The following PKHD1 variants were observed in gnomAD, a reference collection of about 807,000 sequenced individuals.
The protein encoded by PKHD1 is fibrocystin.
In PKHD1, 291 loss-of-function variants were observed where a neutral mutation model predicts 412.0. The ratio of observed to expected loss-of-function variants is 0.71; its 90% CI spans 0.64 to 0.78. The LOEUF is 0.78. PKHD1 is among the 30% of genes least tolerant of loss of function. PKHD1 has a pLI of 0.00. For synonymous variants in PKHD1, 1,777 were observed against 1,821.5 expected (o/e 0.98, Z 0.62); for missense variants, 4,825 against 4,950.7 (o/e 0.97, Z 0.76).
Position 52,002,956 on chromosome 6 carries a change from T to C in PKHD1, c.5751+7353A>G, listed in dbSNP as rs114545932. Among the ~76,000 whole-genome samples the C allele has an allele frequency of 6.7e-3, 1,021 of 152,286 alleles. 8 individuals are homozygous for C. Among genetic ancestry groups the C allele is most frequent in the African/African-American group, 0.023 (941 of 41,554 alleles). ...TAAACAGTAATCCAGTACAGACATATATGCCTTCATCCATCCATTCATCAA... is the reference window on the plus strand; with the variant it reads ...TAAACAGTAATCCAGTACAGACATACATGCCTTCATCCATCCATTCATCAA... On this transcript the variant is annotated intron_variant, in intron 35 of 66. Transcript: ENST00000371117.
At chr6:52,046,223 C>A in intron 23 of PKHD1, 35 bp from the exon 24 acceptor site, 1 of 1,464,746 alleles carries the variant, frequency 6.8e-7, no homozygotes, top group South Asian at 1.1e-5. Flanking sequence ...AAAACACAGA[C>A]ACTAATTAAT....
At chr6:51,634,431 G>T (rs1040446831) in intron 64 of PKHD1, among the ~76,000 whole-genome samples, 1 of 152,154 alleles carries the variant, frequency 6.6e-6, no homozygotes, top group African/African-American at 2.4e-5. Context: ...ACAGAGATGG[G>T]GGAATAGACT....
chr6:52,083,781 A>G (rs1812375193), intron 2 of PKHD1, among the ~76,000 whole-genome samples: 1 of 152,018 alleles, frequency 6.6e-6, no homozygotes, highest in Non-Finnish European at 1.5e-5. Context: ...CAAAACCGCG[A>G]TTACTTTTGC....
chr6:51,987,516 C>A (rs1045913603), intron 35 of PKHD1, among the ~76,000 whole-genome samples: 4 of 152,178 alleles, frequency 2.6e-5, no homozygotes, highest in African/African-American at 9.7e-5. Context: ...AGTGGTGGAA[C>A]CAAGGCTTTG....
chr6:51,701,894 T>C (rs918122971), intron 60 of PKHD1, among the ~76,000 whole-genome samples: 13 of 151,746 alleles, frequency 8.6e-5, no homozygotes, highest in Non-Finnish European at 7.4e-5. Flanking sequence ...TACACACTTA[T>C]TAAAAGAGAA....
At chr6:52,078,238 T>C (rs1463167609) in intron 5 of PKHD1, among the ~76,000 whole-genome samples, 2 of 152,028 alleles carry the variant, frequency 1.3e-5, no homozygotes, top group East Asian at 3.9e-4. Flanking sequence ...ACATGGTACG[T>C]TTCTAAGAGA....
intron 60 of PKHD1, among the ~76,000 whole-genome samples, chr6:51,692,842 C>T (rs554433868): frequency 1.3e-5 from 2 of 152,172 alleles, no homozygotes; most frequent in South Asian, 2.1e-4. Flanking sequence ...GATTTTGCCC[C>T]AATCACTCTG....
chr6:51,774,721 C>T (rs984249529), intron 54 of PKHD1, among the ~76,000 whole-genome samples: 3 of 151,796 alleles, frequency 2.0e-5, no homozygotes, highest in African/African-American at 7.2e-5. Flanking sequence ...GAGAGGGAGC[C>T]ATTGACTGCT....
intron 66 of PKHD1, among the ~76,000 whole-genome samples, chr6:51,626,664 G>T (rs1234199427): frequency 6.6e-6 from 1 of 152,108 alleles, no homozygotes; most frequent in East Asian, 1.9e-4. Flanking sequence ...CAATAATGTT[G>T]CCAAATTGGC....
At chr6:52,072,070 AC>A in intron 8 of PKHD1, 44 bp downstream of exon 8, 2 of 1,078,428 alleles carry the variant, frequency 1.9e-6, no homozygotes, top group South Asian at 2.5e-5. Flanking sequence ...ATCCATGTGG[AC>A]GAACTTACAA....
chr6:52,070,233 T>C (rs1026360778), intron 10 of PKHD1, among the ~76,000 whole-genome samples, 173 bp downstream of exon 10: 2 of 152,182 alleles, frequency 1.3e-5, no homozygotes, highest in African/African-American at 2.4e-5. Flanking sequence ...AGGACACAAC[T>C]TCATTCACCC....
At chr6:52,048,345 T>G in intron 23 of PKHD1, 147 bp downstream of exon 23, 1 of 885,750 alleles carries the variant, frequency 1.1e-6, no homozygotes, top group South Asian at 1.4e-5. Flanking sequence ...TCTTTCACTT[T>G]AAGAATGTCA....
chr6:51,722,639 C>A (rs925463460), intron 60 of PKHD1, among the ~76,000 whole-genome samples: 9 of 152,120 alleles, frequency 5.9e-5, no homozygotes, highest in African/African-American at 2.2e-4. Context: ...GTAACTATTA[C>A]CACATTGTAA....
At chr6:51,767,810 A>G (rs1789374854) in intron 55 of PKHD1, among the ~76,000 whole-genome samples, 1 of 152,232 alleles carries the variant, frequency 6.6e-6, no homozygotes, top group South Asian at 2.1e-4. Context: ...AGCATGATTT[A>G]TAATCCTTTG....
intron 22 of PKHD1, 63 bp downstream of exon 22, chr6:52,050,094 T>A: frequency 1.3e-6 from 2 of 1,538,584 alleles, no homozygotes; most frequent in African/African-American, 2.7e-5. Context: ...GTCACACCTG[T>A]GTCCCTCAAG....
At position 51,659,940 on chromosome 6, in the gene PKHD1, A is replaced by G. The variant is rs774521850; in HGVS notation, c.10186T>C (p.Tyr3396His). Residue 3396 changes from tyrosine to histidine, a missense_variant, in exon 61 of 67, where the codon TAC (tyrosine) becomes CAC (histidine). By Grantham distance (83) the Tyr-to-His change is moderately conservative. Transcript: ENST00000371117. Reference protein sequence around the residue: ...GTFREEQKCTYQFLMQGFICK... With the variant: ...GTFREEQKCTHQFLMQGFICK... ...ATGAATCCTTGCATCAGAAATTGGT[A>G]TGTACATTTCTGTTCTTCTCTAAAT... is the stretch of plus-strand genomic sequence containing the variant. The G allele has an allele frequency of 6.2e-6, 10 of 1,611,028 alleles. No homozygotes were observed. The South Asian group carries it at 9.9e-5, about 16-fold the overall frequency.
At chr6:51,941,380 C>T (rs1053516689) in intron 36 of PKHD1, among the ~76,000 whole-genome samples, 11 of 148,938 alleles carry the variant, frequency 7.4e-5, no homozygotes, top group South Asian at 4.2e-4. Context: ...CTCAGCCTCC[C>T]GAGTAGCTGG....
At chr6:52,048,674 A>C in intron 22 of PKHD1, 55 bp from the exon 23 acceptor site, 1 of 1,608,524 alleles carries the variant, frequency 6.2e-7, no homozygotes, top group African/African-American at 1.3e-5. Flanking sequence ...TGCACCTAGG[A>C]GGACCTTGTC....
chr6:52,026,569 A>G (rs1383832255), intron 31 of PKHD1, among the ~76,000 whole-genome samples: 1 of 152,230 alleles, frequency 6.6e-6, no homozygotes, highest in Non-Finnish European at 1.5e-5. Context: ...GACTATTTGT[A>G]CATTGTCCTG....
Sources: allele counts gnomAD v4.1 joint callset (sites outside exome capture counted in the v4.1 genomes callset), GRCh38; gene constraint gnomAD v4.1.1; transcripts MANE v1.5; gene names NCBI Gene and HGNC (gene_info 2026-07-23, HGNC 2026-07-21).